PARG: variants seen among roughly 807,000 people sequenced by gnomAD.
PARG encodes the protein poly(ADP-ribose) glycohydrolase.
PARG carries 35 observed loss-of-function variants against 113.0 expected under a neutral mutation model. That is an observed-to-expected ratio of 0.31 (90% CI 0.24 to 0.41). The LOEUF (loss-of-function observed/expected upper bound fraction) is 0.41. PARG is among the 10% of genes least tolerant of loss of function. The pLI, the probability that PARG is intolerant of heterozygous loss-of-function variation, is 1.00. For missense variants in PARG, 797 were observed against 1,169.4 expected (o/e 0.68, Z 4.64); for synonymous variants, 330 against 409.9 (o/e 0.81, Z 2.36).
chr10:49,893,708 T>G (rs1233403311), intron 7 of PARG, among the ~76,000 whole-genome samples: 1 of 151,824 alleles, frequency 6.6e-6, no homozygotes, highest in Non-Finnish European at 1.5e-5. Flanking sequence ...TTTTCCTTTT[T>G]TTTGAGATGG....
At position 49,826,446 on chromosome 10, in the gene PARG, A is replaced by G. The variant is rs1011674436; in HGVS notation, c.2648-6153T>C. Among the ~76,000 whole-genome samples, 6 of 152,190 alleles carry G rather than the reference A, an allele frequency of 3.9e-5. No homozygotes were observed. In the East Asian group the frequency reaches 9.6e-4, roughly 24 times the overall value. ...GTCAAAGGGCTAGTCTAGGCCAATCACAGCATGGTAGAAAATGACATATCA... is the reference window on the plus strand; with the variant it reads ...GTCAAAGGGCTAGTCTAGGCCAATCGCAGCATGGTAGAAAATGACATATCA... On this transcript the variant is annotated intron_variant, in intron 16 of 17. Transcript: ENST00000616448.
chr10:49,849,191 G>C (rs1289259032), intron 13 of PARG, among the ~76,000 whole-genome samples: 2 of 148,998 alleles, frequency 1.3e-5, no homozygotes, highest in Non-Finnish European at 3.0e-5. Flanking sequence ...GCGAAACTCC[G>C]TCTCAAAAAA....
At chr10:49,939,521 A>C (rs1199748267) in intron 1 of PARG, among the ~76,000 whole-genome samples, 1 of 152,262 alleles carries the variant, frequency 6.6e-6, no homozygotes, top group Admixed American at 6.5e-5. Flanking sequence ...TGTGGGTTGC[A>C]GTTAGAAAAG....
chr10:49,868,283 G>C (rs2664619), intron 10 of PARG, among the ~76,000 whole-genome samples: 3 of 152,206 alleles, frequency 2.0e-5, no homozygotes, highest in Non-Finnish European at 2.9e-5. Flanking sequence ...CACCGTGCCT[G>C]GCCTTACGTA....
chr10:49,823,866 A>G (rs1844226859), intron 16 of PARG, among the ~76,000 whole-genome samples: 1 of 152,236 alleles, frequency 6.6e-6, no homozygotes, highest in South Asian at 2.1e-4. Context: ...AATTTATTTT[A>G]TATTAAGAGA....
intron 14 of PARG, 49 bp from the exon 15 acceptor site, chr10:49,842,107 C>A: frequency 1.6e-6 from 2 of 1,284,282 alleles, no homozygotes; most frequent in South Asian, 2.5e-5. Flanking sequence ...GGTAGTCGCT[C>A]AAATAAAATC....
chr10:49,831,226 TA>T (rs199765848), intron 16 of PARG, among the ~76,000 whole-genome samples: 11 of 148,436 alleles, frequency 7.4e-5, no homozygotes, highest in Non-Finnish European at 7.6e-5. Flanking sequence ...TTTTCTAGAT[TA>T]AAAAAAAATA....
intron 15 of PARG, among the ~76,000 whole-genome samples, chr10:49,833,654 G>A (rs1168219064): frequency 6.6e-6 from 1 of 152,174 alleles, no homozygotes; most frequent in Non-Finnish European, 1.5e-5. Flanking sequence ...GAAGACCATT[G>A]TGTAAGATCC....
At chr10:49,922,217 C>T in intron 6 of PARG, 119 bp downstream of exon 6, 1 of 1,075,246 alleles carries the variant, frequency 9.3e-7, no homozygotes. Flanking sequence ...TCCTTAGTGC[C>T]AGGAAGCAAG....
chr10:49,874,869 A>G (rs1231649912), intron 9 of PARG, among the ~76,000 whole-genome samples: 1 of 126,154 alleles, frequency 7.9e-6, no homozygotes, highest in Non-Finnish European at 1.8e-5. Flanking sequence ...AAACAAAAAC[A>G]AAAACAAAAA....
intron 7 of PARG, among the ~76,000 whole-genome samples, chr10:49,902,818 C>T (rs1159178791): frequency 1.3e-5 from 2 of 151,908 alleles, no homozygotes; most frequent in Admixed American, 6.6e-5. Flanking sequence ...TAATGAGACT[C>T]GGTCTCTACA....
At chr10:49,832,130 T>TA (rs1207976261) in intron 16 of PARG, among the ~76,000 whole-genome samples, 1 of 152,242 alleles carries the variant, frequency 6.6e-6, no homozygotes, top group Non-Finnish European at 1.5e-5. Flanking sequence ...GTCAATGTAG[T>TA]AAATGGCCAA....
intron 7 of PARG, among the ~76,000 whole-genome samples, chr10:49,896,416 C>T (rs1302303321): frequency 6.6e-6 from 1 of 152,174 alleles, no homozygotes; most frequent in Non-Finnish European, 1.5e-5. Context: ...TCCCAAGTAG[C>T]TGGGACTACA....
intron 16 of PARG, among the ~76,000 whole-genome samples, chr10:49,823,140 T>C (rs1844188340): frequency 6.6e-6 from 1 of 152,172 alleles, no homozygotes; most frequent in Admixed American, 6.5e-5. Context: ...AATATTTTAT[T>C]CTTAAATACA....
At chr10:49,869,586 G>T in intron 9 of PARG, 31 bp from the exon 10 acceptor site, 9 of 982,980 alleles carry the variant, frequency 9.2e-6, no homozygotes, top group Non-Finnish European at 1.4e-5. Context: ...GAGAATGGAA[G>T]ATAAGTTAAA....
chr10:49,847,251 T>C (rs1845555125), intron 13 of PARG, among the ~76,000 whole-genome samples: 1 of 152,256 alleles, frequency 6.6e-6, no homozygotes, highest in Admixed American at 6.5e-5. Flanking sequence ...GAAGGTTTGA[T>C]GAGGACAAGA....
intron 15 of PARG, among the ~76,000 whole-genome samples, chr10:49,837,119 C>A (rs1279671969): frequency 6.6e-6 from 1 of 152,074 alleles, no homozygotes; most frequent in Non-Finnish European, 1.5e-5. Flanking sequence ...ACTGGTCCCC[C>A]CCTTTAAAAA....
At chr10:49,848,631 A>G (rs1486370979) in intron 13 of PARG, among the ~76,000 whole-genome samples, 18 of 151,088 alleles carry the variant, frequency 1.2e-4, no homozygotes, top group Admixed American at 4.6e-4. Context: ...CCTTGACACC[A>G]TAAGTAGGGT....
intron 16 of PARG, among the ~76,000 whole-genome samples, chr10:49,824,988 A>T (rs1554829207): frequency 1.3e-5 from 2 of 152,036 alleles, no homozygotes; most frequent in African/African-American, 4.8e-5. Flanking sequence ...TTGTTTATTC[A>T]AACGATTTAA....
Sources: gnomAD v4.1 joint callset for allele counts (sites outside exome capture counted in the v4.1 genomes callset) on GRCh38, gnomAD v4.1.1 for gene constraint, MANE v1.5 for transcripts, NCBI Gene and HGNC (gene_info 2026-07-23, HGNC 2026-07-21) for gene names.